Variants in RASSF7 observed in about 807,000 individuals in gnomAD.
The protein encoded by RASSF7 is Ras association domain family member 7, also known as ras association domain-containing protein 7.
Under a neutral mutation model 33.8 loss-of-function variants are expected in RASSF7, and 41 were observed. The observed-to-expected ratio is 1.21, with a 90% confidence interval of 0.95 to 1.57. The LOEUF (loss-of-function observed/expected upper bound fraction) is 1.57, where lower values mean the gene tolerates loss of function less well. RASSF7 is among the 40% of genes most tolerant of loss of function. RASSF7 has a pLI of 0.00. For synonymous variants in RASSF7, 298 were observed against 212.8 expected (o/e 1.40, Z -3.48); for missense variants, 622 against 497.0 (o/e 1.25, Z -2.39).
At chr11:561,703 G>A (rs114913728) in intron 1 of RASSF7, 59 bp from the exon 2 acceptor site, 61,970 of 1,605,102 alleles carry the variant, frequency 0.039, 1,332 homozygotes, top group Middle Eastern at 0.079. Flanking sequence ...GAGGAGAGGA[G>A]GACCAGCCTG....
rs1181316937 is a variant in RASSF7, at chr11:563,569, A to G, written c.1046A>G (p.Asp349Gly). Residue 349 changes from aspartate to glycine, a missense_variant, in exon 6 of 6, where the codon GAC (aspartate) becomes GGC (glycine). Asp to Gly is a moderately conservative substitution (Grantham distance 94). Coordinates refer to ENST00000397583, the MANE Select transcript of RASSF7 (RefSeq NM_003475.4). ...GTGTCCTCCCGCAGTGGCCCCCATG[A>G]CGCAGAACTCCTGGAGGTAGCAGCA... ...AQPRPRGGPH[D>G]AELLEVAAAP... is the part of the protein sequence containing the mutation. 2 of 1,612,118 alleles carry G rather than the reference A, an allele frequency of 1.2e-6. No individual in the cohort carries two copies. The highest frequency in any genetic ancestry group is 2.2e-5 in the East Asian group (1 of 44,868).
rs986282200 is a variant in RASSF7, at chr11:562,341, C to T, written c.387C>T (p.Thr129=). 10 of 1,605,630 alleles carry T rather than the reference C, an allele frequency of 6.2e-6. No individual in the cohort carries two copies. The highest frequency in any genetic ancestry group is 1.7e-5 in the Admixed American group (1 of 59,268). Residue 129 remains threonine, a synonymous_variant, in exon 3 of 6, where the codon ACC becomes ACT. Coordinates refer to ENST00000397583, the MANE Select transcript of RASSF7 (RefSeq NM_003475.4). ...ALGCEPRKTL[T]PEPAPSLSRP... ...GCTGTGAGCCCCGCAAAACACTGACCCCCGAGCCAGCCCCCAGCCTCTCAC... is the reference window on the plus strand; with the variant it reads ...GCTGTGAGCCCCGCAAAACACTGACTCCCGAGCCAGCCCCCAGCCTCTCAC...
chr11:563,449 C>A lies in RASSF7; in HGVS notation c.1005C>A (p.Ser335=). 6.2e-7 allele frequency: 1 copy of A among 1,611,638 alleles called. No homozygotes were observed. The highest frequency in any genetic ancestry group is 8.5e-7 in the Non-Finnish European group (1 of 1,179,550). ...CCCTCCTGGGCGCTCCCTCTGAGTC[C>A]CATGCTGGTGCCCAGCCTAGGCCCC... ...EESLLGAPSE[S]HAGAQPRPRG... Residue 335 remains serine (S), a synonymous_variant, in exon 5 of 6, where the codon TCC becomes TCA. Coordinates refer to ENST00000397583, the MANE Select transcript of RASSF7 (RefSeq NM_003475.4).
Position 562,164 on chromosome 11 carries a change from G to C in RASSF7, c.210G>C (p.Gln70His). The change falls in exon 3 of 6, where the codon CAG (glutamine) becomes CAC (histidine). Residue 70 changes from glutamine to histidine, a missense_variant. Gln to His is a conservative substitution (Grantham distance 24, BLOSUM62 0). Transcript: ENST00000397583. ...LLPQECPVGA[Q>H]ATCGQFASDV... is the part of the protein sequence containing the mutation. ...CACAAGAGTGTCCAGTGGGCGCCCA[G>C]GCCACCTGCGGACAGTTTGCCAGCG... 2 of 1,570,938 alleles carry C rather than the reference G, an allele frequency of 1.3e-6. No homozygotes were observed. The highest frequency in any genetic ancestry group is 1.7e-6 in the Non-Finnish European group (2 of 1,157,186).
In RASSF7 at chr11:561,157, C is replaced by G. The variant is rs1853275951; in HGVS notation, c.-328C>G. On this transcript the variant is annotated 5_prime_UTR_variant, in exon 1 of 6. Coordinates refer to ENST00000397583, the MANE Select transcript of RASSF7 (RefSeq NM_003475.4). ...ACGGAGAGCGGGGGCGGCGCCGCAC[C>G]TGCGCCCGCCCTGCGGAACGGGGAC... is the stretch of plus-strand genomic sequence containing the variant. 4.1e-6 allele frequency: 4 copies of G among 984,926 alleles called. No homozygotes were observed. The highest frequency in any genetic ancestry group is 4.8e-6 in the Non-Finnish European group (4 of 829,784). The allele number at this position is 984,926 out of a possible 1,614,324, so 61.0% of individuals were successfully genotyped here. A position where few individuals can be genotyped will look rare whatever the true frequency, so the allele number is the denominator to read the frequency against.
chr11:562,244 C>CA lies in RASSF7; in HGVS notation c.291dup (p.Asp98ArgfsTer26). The CA allele has an allele frequency of 6.2e-7, 1 of 1,612,800 alleles. No homozygotes were observed. Among genetic ancestry groups the CA allele is most frequent in the Non-Finnish European group, 8.5e-7 (1 of 1,179,894 alleles). ...CCCAGCCTAGCTGGGAGGCCCTCCT[C>CA]AGACAGCTGTCCACCCCCGGAACGC... On this transcript the variant is annotated frameshift_variant, in exon 3 of 6. Coordinates refer to ENST00000397583, the MANE Select transcript of RASSF7 (RefSeq NM_003475.4). LOFTEE classifies it high-confidence loss of function.
chr11:563,178 T>G lies in RASSF7; in HGVS notation c.823-11T>G, dbSNP rs1390692045. On this transcript the variant is annotated splice_polypyrimidine_tract_variant and intron_variant, in intron 3 of 5. Coordinates refer to ENST00000397583, the MANE Select transcript of RASSF7 (RefSeq NM_003475.4). ...GTGGCTGTGCCTCCTAAGGATCTCA[T>G]GTGTCCCCAGGCTCAGGCTCAGGAG... is the stretch of plus-strand genomic sequence containing the variant. 5 of 1,562,814 alleles carry G rather than the reference T, an allele frequency of 3.2e-6. No individual in the cohort carries two copies. The African/African-American group carries it at 6.8e-5, about 21-fold the overall frequency.
chr11:561,735 G>A (rs868721765), intron 1 of RASSF7, 27 bp from the exon 2 acceptor site: 5 of 1,612,592 alleles, frequency 3.1e-6, no homozygotes, highest in Non-Finnish European at 4.2e-6. Flanking sequence ...GGCAGGTCCT[G>A]ACCCGGTGCC....
rs1186251709 is a variant in RASSF7, at chr11:562,250, G to C, written c.296G>C (p.Ser99Thr). The part of the protein sequence containing the change: ...PSLAGRPSSD[S>T]CPPPERCLIR... ...CTAGCTGGGAGGCCCTCCTCAGACA[G>C]CTGTCCACCCCCGGAACGCTGCCTA... Residue 99 changes from serine to threonine, a missense_variant, in exon 3 of 6, where the codon AGC (serine) becomes ACC (threonine). Transcript: ENST00000397583. 1 of 1,612,790 alleles carries C rather than the reference G, an allele frequency of 6.2e-7. No homozygotes were observed. The highest frequency in any genetic ancestry group is 1.3e-5 in the African/African-American group (1 of 74,946).
rs1853294868 is a variant in RASSF7, at chr11:561,431, G to A, written c.-54G>A. On this transcript the variant is annotated 5_prime_UTR_variant, in exon 1 of 6. Transcript: ENST00000397583. ...CCGGCGGCCGCGGGGCCTGGCGTGCGGGCGCCTCCGCGCCGCCCGGGGAGG... is the reference window on the plus strand; with the variant it reads ...CCGGCGGCCGCGGGGCCTGGCGTGCAGGCGCCTCCGCGCCGCCCGGGGAGG... The A allele has an allele frequency of 8.7e-7, 1 of 1,147,558 alleles. No homozygotes were observed. Among genetic ancestry groups the A allele is most frequent in the African/African-American group, 1.6e-5 (1 of 61,626 alleles). 71.1% of individuals were successfully genotyped at this position (1,147,558 alleles called of 1,614,324 possible).
chr11:563,748 C>A lies in RASSF7; in HGVS notation c.*103C>A. 1 of 1,160,122 alleles carries A rather than the reference C, an allele frequency of 8.6e-7. No homozygotes were observed. Among genetic ancestry groups the A allele is most frequent in the South Asian group, 1.5e-5 (1 of 68,332 alleles). The allele number at this position is 1,160,122 out of a possible 1,614,324, so 71.9% of individuals were successfully genotyped here. A position where few individuals can be genotyped will look rare whatever the true frequency, so the allele number is the denominator to read the frequency against. ...AGGCAGTGGGAAGCCCTGGGTTTGG[C>A]CTCAGGAGCTGGGGGTGCAGTGGGG... On this transcript the variant is annotated 3_prime_UTR_variant, in exon 6 of 6. Coordinates refer to ENST00000397583, the MANE Select transcript of RASSF7 (RefSeq NM_003475.4).
chr11:563,026 G>A (rs1030759909), intron 3 of RASSF7, among the ~76,000 whole-genome samples, 163 bp from the exon 4 acceptor site: 21 of 152,044 alleles, frequency 1.4e-4, no homozygotes, highest in East Asian at 5.8e-4. Context: ...GGTCCCACTC[G>A]GGAGGCAGGT....
At position 561,099 on chromosome 11, in the gene RASSF7, C is replaced by G. The variant is rs1335689482; in HGVS notation, c.-386C>G. On this transcript the variant is annotated 5_prime_UTR_variant, in exon 1 of 6. Coordinates refer to ENST00000397583, the MANE Select transcript of RASSF7 (RefSeq NM_003475.4). ...GCGCCTCGAGCCGGCCGGACGCCGA[C>G]TCCAACTGGGGAGAGTTTTCCGCGA... The G allele has an allele frequency of 1.3e-5, 13 of 985,948 alleles. No homozygotes were observed. Among genetic ancestry groups the G allele is most frequent in the Non-Finnish European group, 1.6e-5 (13 of 830,610 alleles). The allele number at this position is 985,948 out of a possible 1,614,324, so 61.1% of individuals were successfully genotyped here.
rs1178887219 is a variant in RASSF7, at chr11:562,151, C to T, written c.197C>T (p.Pro66Leu). The stretch of plus-strand genomic sequence containing the variant: ...CGGCAGTTGCTGCCACAAGAGTGTC[C>T]AGTGGGCGCCCAGGCCACCTGCGGA... Reference protein sequence around the residue: ...KERQLLPQECPVGAQATCGQF... With the variant: ...KERQLLPQECLVGAQATCGQF... Residue 66 changes from proline (P) to leucine (L), a missense_variant, in exon 3 of 6, where the codon CCA becomes CTA. Coordinates refer to ENST00000397583, the MANE Select transcript of RASSF7 (RefSeq NM_003475.4). 12 of 1,561,510 alleles carry T rather than the reference C, an allele frequency of 7.7e-6. No homozygotes were observed. Among genetic ancestry groups the T allele is most frequent in the Non-Finnish European group, 1.0e-5 (12 of 1,152,906 alleles).
chr11:562,538 C>A lies in RASSF7; in HGVS notation c.584C>A (p.Ala195Glu), dbSNP rs1047629893. 5.2e-6 allele frequency: 8 copies of A among 1,548,126 alleles called. No individual in the cohort carries two copies. The highest frequency in any genetic ancestry group is 3.8e-4 in the Middle Eastern group (2 of 5,276). The change falls in exon 3 of 6, where the codon GCA becomes GAA. Residue 195 changes from alanine (A) to glutamate (E), a missense_variant. By Grantham distance (107) the Ala-to-Glu change is moderately radical. Coordinates refer to ENST00000397583, the MANE Select transcript of RASSF7 (RefSeq NM_003475.4). ...REREGQARLQALSAATAEHAA... is the reference protein window; with the variant it reads ...REREGQARLQELSAATAEHAA... The stretch of plus-strand genomic sequence containing the variant: ...CGAGAGGGACAGGCACGCCTGCAGG[C>A]ACTAAGTGCGGCCACTGCTGAGCAT...
rs1853273785 is a variant in RASSF7, at chr11:561,128, C to A, written c.-357C>A. ...AACTGGGGAGAGTTTTCCGCGATGC[C>A]CGGACGGAGAGCGGGGGCGGCGCCG... is the stretch of plus-strand genomic sequence containing the variant. On this transcript the variant is annotated 5_prime_UTR_variant, in exon 1 of 6. Coordinates refer to ENST00000397583, the MANE Select transcript of RASSF7 (RefSeq NM_003475.4). 1 of 985,062 alleles carries A rather than the reference C, an allele frequency of 1.0e-6. No homozygotes were observed. Among genetic ancestry groups the A allele is most frequent in the Non-Finnish European group, 1.2e-6 (1 of 829,910 alleles). The allele number at this position is 985,062 out of a possible 1,614,324, so 61.0% of individuals were successfully genotyped here.
Position 561,257 on chromosome 11 carries a change from A to G in RASSF7, c.-228A>G. ...GGCGGGGACCGGGACTTTCGGGGCG[A>G]GCGCAGCGATTAGGCGGCAGCGGCG... On this transcript the variant is annotated 5_prime_UTR_variant, in exon 1 of 6. Transcript: ENST00000397583. The G allele has an allele frequency of 4.1e-6, 4 of 985,418 alleles. No homozygotes were observed. Among genetic ancestry groups the G allele is most frequent in the Non-Finnish European group, 3.6e-6 (3 of 829,954 alleles). 61.0% of individuals were successfully genotyped at this position (985,418 alleles called of 1,614,324 possible).
In RASSF7 at chr11:561,001, C is replaced by T; in HGVS notation, c.-484C>T. ...CTGGGGGCGGCAGGTTGCGGCGGCGCCGGAGCGGGTCTCCAGGCTGGCGAG... is the reference window on the plus strand; with the variant it reads ...CTGGGGGCGGCAGGTTGCGGCGGCGTCGGAGCGGGTCTCCAGGCTGGCGAG... On this transcript the variant is annotated 5_prime_UTR_variant, in exon 1 of 6. Coordinates refer to ENST00000397583, the MANE Select transcript of RASSF7 (RefSeq NM_003475.4). 6.7e-6 allele frequency: 7 copies of T among 1,039,242 alleles called. No individual in the cohort carries two copies. Among genetic ancestry groups the T allele is most frequent in the Non-Finnish European group, 8.1e-6 (7 of 865,826 alleles). The allele number at this position is 1,039,242 out of a possible 1,614,324, so 64.4% of individuals were successfully genotyped here. A position where few individuals can be genotyped will look rare whatever the true frequency, so the allele number is the denominator to read the frequency against.
At chr11:561,734 T>G in intron 1 of RASSF7, 28 bp from the exon 2 acceptor site, 1 of 1,612,536 alleles carries the variant, frequency 6.2e-7, no homozygotes, top group Non-Finnish European at 8.5e-7. Context: ...AGGCAGGTCC[T>G]GACCCGGTGC....
Sources: allele counts gnomAD v4.1 joint callset (sites outside exome capture counted in the v4.1 genomes callset), GRCh38; gene constraint gnomAD v4.1.1; transcripts MANE v1.5; gene names NCBI Gene and HGNC (gene_info 2026-07-23, HGNC 2026-07-21).